Variants in COL27A1 observed in about 807,000 individuals in gnomAD.
COL27A1 encodes collagen alpha-1(XXVII) chain.
Under a neutral mutation model 251.3 loss-of-function variants are expected in COL27A1, and 106 were observed. That is an observed-to-expected ratio of 0.42 (90% CI 0.36 to 0.50). The LOEUF (loss-of-function observed/expected upper bound fraction) is 0.50. Ranked by LOEUF, COL27A1 falls within the 20% of genes least tolerant of loss-of-function variation. COL27A1 has a pLI of 0.00. For missense variants in COL27A1, 2,325 were observed against 2,522.8 expected (o/e 0.92, Z 1.68); for synonymous variants, 1,000 against 986.3 (o/e 1.01, Z -0.26).
Position 114,292,175 on chromosome 9 carries a change from G to A in COL27A1, c.4549G>A (p.Gly1517Arg). The A allele has an allele frequency of 6.4e-7, 1 of 1,558,198 alleles. No individual in the cohort carries two copies. Among genetic ancestry groups the A allele is most frequent in the South Asian group, 1.2e-5 (1 of 84,394 alleles). Residue 1517 changes from glycine (G) to arginine (R), a missense_variant, in exon 49 of 61, where the codon GGA becomes AGA. By Grantham distance (125) the Gly-to-Arg change is moderately radical. Around this residue, in one of 4 missense-constraint regions of COL27A1, gnomAD observed 153 missense variants for 140.7 expected, o/e 1.09. Coordinates refer to ENST00000356083, the MANE Select transcript of COL27A1 (RefSeq NM_032888.4). The stretch of plus-strand genomic sequence containing the variant: ...AACAGAGGGCAGAACGGGGCTCCCT[G>A]GAAACCAGGGGGAGCCTGGGTCCAA... ...RGTEGRTGLP[G>R]NQGEPGSKGQ...
intron 9 of COL27A1, 140 bp downstream of exon 9, chr9:114,205,952 GGGGA>G: frequency 1.3e-6 from 1 of 758,744 alleles, no homozygotes. Flanking sequence ...GGGCTTTCCA[GGGGA>G]CTGGACCAAG....
At position 114,290,593 on chromosome 9, in the gene COL27A1, C is replaced by A. The variant is rs1827849306; in HGVS notation, c.4369-217C>A. ...TGGTGGATAGGGTTCCTCTCCCGCCCCTTCCTCACTCAGAATCCCGCCCTT... is the reference window on the plus strand; with the variant it reads ...TGGTGGATAGGGTTCCTCTCCCGCCACTTCCTCACTCAGAATCCCGCCCTT... On this transcript the variant is annotated intron_variant, in intron 47 of 60. Coordinates refer to ENST00000356083, the MANE Select transcript of COL27A1 (RefSeq NM_032888.4). This position sits in a 1 kb window ranked among gnomAD's most constrained non-coding sequence, Gnocchi z 4.6. 6.6e-6 allele frequency among the ~76,000 whole-genome samples: 1 copy of A among 152,128 alleles called. No homozygotes were observed. The highest frequency in any genetic ancestry group is 2.4e-5 in the African/African-American group (1 of 41,420).
At chr9:114,281,996 G>A (rs939714920) in intron 37 of COL27A1, among the ~76,000 whole-genome samples, 14 of 152,134 alleles carry the variant, frequency 9.2e-5, no homozygotes, top group Admixed American at 1.3e-4. Flanking sequence ...TGCAGAAGCC[G>A]CACCCGCCAT....
At chr9:114,179,257 G>A (rs1827708305) in intron 4 of COL27A1, among the ~76,000 whole-genome samples, 1 of 152,136 alleles carries the variant, frequency 6.6e-6, no homozygotes, top group South Asian at 2.1e-4. Context: ...CTGGCCCTGT[G>A]CTCCCTGGGC....
chr9:114,246,820 G>T (rs914877757), intron 24 of COL27A1, among the ~76,000 whole-genome samples: 2 of 152,000 alleles, frequency 1.3e-5, no homozygotes, highest in African/African-American at 4.8e-5. Context: ...TCTGTGGGAA[G>T]CCCGGGAGTT....
At chr9:114,235,453 T>C (rs1428907320) in intron 16 of COL27A1, 146 bp from the exon 17 acceptor site, 2 of 742,048 alleles carry the variant, frequency 2.7e-6, no homozygotes, top group Non-Finnish European at 5.0e-6. Flanking sequence ...CAGGGGCCCG[T>C]CCTTTCCTCT....
intron 17 of COL27A1, 68 bp downstream of exon 17, chr9:114,235,720 T>G: frequency 8.3e-7 from 1 of 1,205,618 alleles, no homozygotes; most frequent in Non-Finnish European, 1.2e-6. Context: ...GGTCTTGGCT[T>G]CCTTCCTAGG....
chr9:114,310,227 T>G lies in COL27A1; in HGVS notation c.5437-322T>G, dbSNP rs1829353044. On this transcript the variant is annotated intron_variant, in intron 60 of 60. Coordinates refer to ENST00000356083, the MANE Select transcript of COL27A1 (RefSeq NM_032888.4). ...CCCCACCTGTTCCCCAAAAACTTAT[T>G]GAAAAAATAAATTAAAAAATATATA... 3.3e-5 allele frequency among the ~76,000 whole-genome samples: 5 copies of G among 152,104 alleles called. No individual in the cohort carries two copies. In the South Asian group the frequency reaches 1.0e-3, roughly 32 times the overall value.
chr9:114,217,094 G>C (rs1166907480), intron 12 of COL27A1, among the ~76,000 whole-genome samples: 1 of 152,154 alleles, frequency 6.6e-6, no homozygotes, highest in African/African-American at 2.4e-5. Context: ...GGACCTGTTG[G>C]GTGGTCACGC....
intron 12 of COL27A1, among the ~76,000 whole-genome samples, chr9:114,216,189 G>T (rs1830700623): frequency 6.6e-6 from 1 of 152,210 alleles, no homozygotes; most frequent in Admixed American, 6.5e-5. Flanking sequence ...GCCTTGTTCT[G>T]CTCCAAGTAT....
At chr9:114,173,240 T>C (rs566536565) in intron 3 of COL27A1, among the ~76,000 whole-genome samples, 1 of 152,390 alleles carries the variant, frequency 6.6e-6, no homozygotes, top group East Asian at 1.9e-4. Flanking sequence ...CCTTATTTAT[T>C]CACGATCAGG....
intron 3 of COL27A1, among the ~76,000 whole-genome samples, chr9:114,175,129 G>A (rs181157093): frequency 0.017 from 616 of 36,494 alleles, 6 homozygotes; most frequent in African/African-American, 0.07. Flanking sequence ...TCAGAGGCCA[G>A]GACCCTTGGG....
intron 27 of COL27A1, among the ~76,000 whole-genome samples, chr9:114,255,246 G>A (rs1833842037): frequency 6.6e-6 from 1 of 152,206 alleles, no homozygotes; most frequent in African/African-American, 2.4e-5. Context: ...TTCTGGTCAG[G>A]GGGCTAGCAC....
intron 18 of COL27A1, 75 bp downstream of exon 18, chr9:114,237,109 T>A: frequency 1.4e-6 from 2 of 1,406,326 alleles, no homozygotes; most frequent in Non-Finnish European, 1.9e-6. Context: ...GGGGACACCT[T>A]CACCTCCAAG....
Position 114,240,287 on chromosome 9 carries a change from C to G in COL27A1, c.2781+14C>G, listed in dbSNP as rs756050197. ...GAAGGCATGAAGGTGAGTACCTGCC[C>G]AGGGCAGCTCCAGTTGGAGGAGCAG... On this transcript the variant is annotated intron_variant, in intron 20 of 60. Transcript: ENST00000356083. 1.3e-6 allele frequency: 2 copies of G among 1,590,108 alleles called. No individual in the cohort carries two copies. The highest frequency in any genetic ancestry group is 2.3e-5 in the South Asian group (2 of 86,682).
At chr9:114,277,410 G>A (rs1463216899) in intron 37 of COL27A1, among the ~76,000 whole-genome samples, 8 of 152,142 alleles carry the variant, frequency 5.3e-5, no homozygotes, top group South Asian at 2.1e-4. Flanking sequence ...AGAGACTGAC[G>A]TTGTTACCTA....
At chr9:114,162,892 A>G in intron 2 of COL27A1, 107 bp downstream of exon 2, 1 of 736,486 alleles carries the variant, frequency 1.4e-6, no homozygotes, top group Non-Finnish European at 2.4e-6. Flanking sequence ...TCAATGCCTC[A>G]GTTTTCCCAT....
chr9:114,292,057 A>G (rs141213352), intron 48 of COL27A1, 46 bp from the exon 49 acceptor site: 33 of 1,511,976 alleles, frequency 2.2e-5, no homozygotes, highest in Non-Finnish European at 3.0e-5. Flanking sequence ...CCTGCCTTAG[A>G]ACCCCTTCCC....
In COL27A1 at chr9:114,264,354, G is replaced by T; in HGVS notation, c.3196-1G>T. The T allele has an allele frequency of 6.3e-7, 1 of 1,592,326 alleles. No homozygotes were observed. The highest frequency in any genetic ancestry group is 1.7e-5 in the Admixed American group (1 of 58,404). On this transcript the variant is annotated splice_acceptor_variant, in intron 28 of 60. Coordinates refer to ENST00000356083, the MANE Select transcript of COL27A1 (RefSeq NM_032888.4). LOFTEE classifies it high-confidence loss of function. ...GTGCTAGTCCCTTTTTCCTATTCCA[G>T]GGCCCCCGAGGACCGGACGGACCAG...
Sources: gnomAD v4.1 joint callset for allele counts (sites outside exome capture counted in the v4.1 genomes callset) on GRCh38, gnomAD v4.1.1 for gene constraint, gnomAD v4.1.1 regional missense constraint, Gnocchi (gnomAD v3.1) non-coding constraint, MANE v1.5 for transcripts, NCBI Gene and HGNC (gene_info 2026-07-23, HGNC 2026-07-21) for gene names.